Variants in FAM83B observed in about 807,000 individuals in gnomAD.
FAM83B encodes scaffolding CK1 anchoring protein B.
A neutral mutation model predicts 38.8 loss-of-function variants in FAM83B; 26 were observed. The ratio of observed to expected loss-of-function variants is 0.67; its 90% CI spans 0.49 to 0.93. FAM83B has a LOEUF of 0.93. FAM83B is among the 40% of genes least tolerant of loss of function. The pLI, the probability that FAM83B is intolerant of heterozygous loss-of-function variation, is 0.00. For missense variants in FAM83B, 1,237 were observed against 1,197.3 expected, an observed-to-expected ratio of 1.03 and a Z score of -0.49; for synonymous variants, 419 against 423.1, an observed-to-expected ratio of 0.99 and a Z score of 0.12.
At chr6:54,912,375 C>A in intron 2 of FAM83B, among the ~76,000 whole-genome samples, 1 of 148,444 alleles carries the variant, frequency 6.7e-6, no homozygotes. Flanking sequence ...TTTTATGAAC[C>A]TGAATTCATA....
chr6:54,886,853 CTTTAAATATAGCTT>C (rs1307214981), intron 2 of FAM83B, among the ~76,000 whole-genome samples: 1 of 151,364 alleles, frequency 6.6e-6, no homozygotes, highest in Non-Finnish European at 1.5e-5. Flanking sequence ...ATAATTTTTT[CTTTAAATATAGCTT>C]TAGGTTTATC....
At chr6:54,903,515 G>A (rs239836) in intron 2 of FAM83B, among the ~76,000 whole-genome samples, 26,629 of 152,092 alleles carry the variant, frequency 0.18, 2,511 homozygotes, top group Middle Eastern at 0.27. Context: ...GCAAAACATG[G>A]TAGTTTAATT....
At chr6:54,929,740 G>A (rs542648635) in intron 4 of FAM83B, among the ~76,000 whole-genome samples, 3 of 152,012 alleles carry the variant, frequency 2.0e-5, no homozygotes, top group Non-Finnish European at 1.5e-5. Flanking sequence ...TGGACTTTAA[G>A]CCCCCAGCCA....
At chr6:54,916,851 A>G (rs1043502465) in intron 2 of FAM83B, among the ~76,000 whole-genome samples, 2 of 152,092 alleles carry the variant, frequency 1.3e-5, no homozygotes, top group Non-Finnish European at 2.9e-5. Context: ...ATCTACTTTT[A>G]TATGTTATGT....
intron 2 of FAM83B, among the ~76,000 whole-genome samples, chr6:54,910,421 A>T (rs1772878010): frequency 6.6e-6 from 1 of 151,898 alleles, no homozygotes; most frequent in South Asian, 2.1e-4. Context: ...TACCGGATCT[A>T]TTTTCCATGC....
intron 2 of FAM83B, among the ~76,000 whole-genome samples, chr6:54,890,732 T>C (rs1772381981): frequency 6.6e-6 from 1 of 152,142 alleles, no homozygotes; most frequent in South Asian, 2.1e-4. Context: ...ATTCAATTTA[T>C]GTAATCAGTG....
Position 54,932,831 on chromosome 6 carries a change from C to G in FAM83B, c.734+5199C>G, listed in dbSNP as rs549038965. 6.6e-4 allele frequency among the ~76,000 whole-genome samples: 100 copies of G among 152,258 alleles called. 2 individuals carry two copies. In the South Asian group the frequency reaches 0.019, roughly 29 times the overall value. On this transcript the variant is annotated intron_variant, in intron 4 of 4. Transcript: ENST00000306858. ...TTCTGCTGAGAAAGTCACTGATAGT[C>G]TAATGGAAGCTCCCTTGTATGTGAC...
chr6:54,858,831 A>G (rs1021249075), intron 1 of FAM83B, among the ~76,000 whole-genome samples: 2 of 152,160 alleles, frequency 1.3e-5, no homozygotes, highest in Non-Finnish European at 2.9e-5. Flanking sequence ...CTTCTGACAA[A>G]GTTCTCATTT....
chr6:54,929,724 A>G (rs182108163), intron 4 of FAM83B, among the ~76,000 whole-genome samples: 1 of 152,226 alleles, frequency 6.6e-6, no homozygotes, highest in East Asian at 1.9e-4. Context: ...TACTATTTAC[A>G]TTTGATGGAC....
At chr6:54,865,358 C>T (rs1771675019) in intron 1 of FAM83B, among the ~76,000 whole-genome samples, 1 of 152,194 alleles carries the variant, frequency 6.6e-6, no homozygotes, top group African/African-American at 2.4e-5. Flanking sequence ...TGTGTCCCCT[C>T]TCTCCTTATA....
chr6:54,851,938 C>T (rs966412819), intron 1 of FAM83B, among the ~76,000 whole-genome samples: 4 of 151,744 alleles, frequency 2.6e-5, no homozygotes, highest in African/African-American at 7.2e-5. Flanking sequence ...TGAGCCACCG[C>T]GCCCGGCCTA....
At chr6:54,903,891 G>A (rs928309124) in intron 2 of FAM83B, among the ~76,000 whole-genome samples, 2 of 151,520 alleles carry the variant, frequency 1.3e-5, no homozygotes, top group East Asian at 2.0e-4. Context: ...ATATGCTTAT[G>A]TACCACACAT....
chr6:54,849,920 T>C (rs1451173721), intron 1 of FAM83B, among the ~76,000 whole-genome samples: 1 of 151,728 alleles, frequency 6.6e-6, no homozygotes, highest in South Asian at 2.1e-4. Flanking sequence ...TGTTGAAGAG[T>C]TTATAGAGAA....
intron 3 of FAM83B, 132 bp from the exon 4 acceptor site, chr6:54,927,376 T>C: frequency 1.7e-6 from 1 of 597,756 alleles, no homozygotes; most frequent in Non-Finnish European, 2.7e-6. Context: ...GGATTTAATA[T>C]TTGGGAGTTT....
At chr6:54,864,072 G>T (rs1050404219) in intron 1 of FAM83B, among the ~76,000 whole-genome samples, 20 of 152,092 alleles carry the variant, frequency 1.3e-4, no homozygotes, top group African/African-American at 4.8e-4. Flanking sequence ...TTTTCTTAAT[G>T]AATTTATTTA....
At chr6:54,870,800 T>G in intron 2 of FAM83B, 110 bp downstream of exon 2, 8 of 1,048,112 alleles carry the variant, frequency 7.6e-6, no homozygotes, top group Non-Finnish European at 1.1e-5. Context: ...GTATAGGCCA[T>G]GCCTATTGTT....
At chr6:54,926,623 TA>T in intron 3 of FAM83B, 88 bp downstream of exon 3, 1 of 1,078,224 alleles carries the variant, frequency 9.3e-7, no homozygotes. Flanking sequence ...TAGATGAATA[TA>T]AAACTGAAAA....
intron 1 of FAM83B, among the ~76,000 whole-genome samples, chr6:54,853,777 A>T (rs192327818): frequency 1.4e-4 from 22 of 152,324 alleles, no homozygotes; most frequent in African/African-American, 5.3e-4. Flanking sequence ...TCAAGAAGTG[A>T]CTTTGACTTT....
At chr6:54,913,676 G>A (rs966158112) in intron 2 of FAM83B, among the ~76,000 whole-genome samples, 3 of 151,704 alleles carry the variant, frequency 2.0e-5, no homozygotes, top group African/African-American at 7.3e-5. Context: ...ATGAGAAGAG[G>A]AATAAGATAG....
Sources: allele counts gnomAD v4.1 joint callset (sites outside exome capture counted in the v4.1 genomes callset), GRCh38; gene constraint gnomAD v4.1.1; transcripts MANE v1.5; gene names NCBI Gene and HGNC (gene_info 2026-07-23, HGNC 2026-07-21).